MMP28: variants seen among roughly 807,000 people sequenced by gnomAD.
The protein encoded by MMP28 is matrix metallopeptidase 28, also known as matrix metalloproteinase-28.
In MMP28, 55 loss-of-function variants were observed where a neutral mutation model predicts 60.5. The observed-to-expected ratio is 0.91, with a 90% CI of 0.73 to 1.14. MMP28 has a LOEUF of 1.14. Ranked by LOEUF, MMP28 falls within the 50% of genes most tolerant of loss-of-function variation. The probability of loss-of-function intolerance (pLI) is 0.00; values close to 1 mark genes in which losing one functional copy is unlikely to be tolerated. For missense variants in MMP28, 686 were observed against 738.3 expected, an observed-to-expected ratio of 0.93 and a Z score of 0.82; for synonymous variants, 318 against 312.5, an observed-to-expected ratio of 1.02 and a Z score of -0.18.
chr17:35,776,624 C>T (rs886466812), intron 3 of MMP28, among the ~76,000 whole-genome samples: 4 of 152,060 alleles, frequency 2.6e-5, no homozygotes, highest in Admixed American at 6.6e-5. Context: ...CGGTGGCTTG[C>T]GCCTGTAATC....
rs2086543134 is a variant in MMP28, at chr17:35,782,786, A to G, written c.112-3463T>C. 2.0e-5 allele frequency among the ~76,000 whole-genome samples: 3 copies of G among 151,272 alleles called. No homozygotes were observed. The South Asian group carries it at 6.3e-4, about 32-fold the overall frequency. ...GTTTGGGAATGAAAATCTATTCCCA[A>G]CCCTGACTCTGCCAGATGGCTGGGG... is the stretch of plus-strand genomic sequence containing the variant. On this transcript the variant is annotated intron_variant, in intron 1 of 7. Transcript: ENST00000605424.
In MMP28 at chr17:35,795,253, T is replaced by C. The variant is rs1295928529; in HGVS notation, c.111+14A>G. 8.6e-6 allele frequency: 12 copies of C among 1,398,452 alleles called. No homozygotes were observed. The South Asian group carries it at 1.3e-4, about 15-fold the overall frequency. 86.6% of individuals were successfully genotyped at this position (1,398,452 alleles called of 1,614,324 possible). A position where few individuals can be genotyped will look rare whatever the true frequency, so the allele number is the denominator to read the frequency against. ...AGCACACGCACCGCTCTCCGCCAGG[T>C]ACACACGGCGTACCTCCGCCTCCTT... is the stretch of plus-strand genomic sequence containing the variant. On this transcript the variant is annotated intron_variant, in intron 1 of 7. Transcript: ENST00000605424.
exon 3 of MMP28, chr17:35,756,295 C>A (rs2085737077): frequency 1.8e-6 from 1 of 564,724 alleles, no homozygotes; most frequent in Non-Finnish European, 2.2e-6. Flanking sequence ...ACAGATGATC[C>A]AAAGTAGGCA....
chr17:35,773,455 T>C, intron 3 of MMP28, 51 bp from the exon 4 acceptor site: 1 of 1,492,192 alleles, frequency 6.7e-7, no homozygotes, highest in Non-Finnish European at 9.1e-7. Flanking sequence ...AGCCCGAGTC[T>C]GGTCCCCACA....
downstream of MMP28, among the ~76,000 whole-genome samples, chr17:35,762,456 C>T (rs587682148): frequency 3.3e-5 from 5 of 152,272 alleles, no homozygotes; most frequent in East Asian, 9.6e-4. Context: ...CTAGGGGAGG[C>T]CAGCTTAGTT....
intron 2 of MMP28, among the ~76,000 whole-genome samples, chr17:35,760,077 T>C (rs926892542): frequency 2.0e-5 from 3 of 152,136 alleles, no homozygotes. Flanking sequence ...CCACCAAACT[T>C]AGATGCCCAA....
At chr17:35,771,794 G>A (rs2086164659) in intron 4 of MMP28, among the ~76,000 whole-genome samples, 1 of 137,264 alleles carries the variant, frequency 7.3e-6, no homozygotes, top group Non-Finnish European at 1.5e-5. Context: ...GGCACCTCTG[G>A]GGGGCCTCTC....
chr17:35,772,419 G>C lies in MMP28; in HGVS notation c.604+761C>G, dbSNP rs145721704. On this transcript the variant is annotated intron_variant, in intron 4 of 7. Transcript: ENST00000605424. ...TCTTGCAAAGCCTAGATTCCTCCTG[G>C]TCCTAACCCAGGTCTCAGCAGTAGG... Among the ~76,000 whole-genome samples the C allele has an allele frequency of 7.0e-3, 1,061 of 152,292 alleles. 6 individuals are homozygous for C. The highest frequency in any genetic ancestry group is 0.013 in the Admixed American group (202 of 15,302).
intron 2 of MMP28, 64 bp from the exon 3 acceptor site, chr17:35,779,139 C>T (rs973334169): frequency 2.5e-6 from 4 of 1,577,576 alleles, no homozygotes; most frequent in Non-Finnish European, 2.6e-6. Flanking sequence ...GGAAGTCTGC[C>T]TCCCTGGGGT....
chr17:35,788,333 T>A (rs75657795), intron 1 of MMP28, among the ~76,000 whole-genome samples: 28 of 152,274 alleles, frequency 1.8e-4, no homozygotes, highest in Non-Finnish European at 4.0e-4. Flanking sequence ...TGGTTCTCAC[T>A]AGACTTGTGG....
At chr17:35,786,833 T>C (rs780376329) in intron 1 of MMP28, among the ~76,000 whole-genome samples, 23 of 152,124 alleles carry the variant, frequency 1.5e-4, no homozygotes, top group Admixed American at 6.6e-4. Context: ...TCACACCTTC[T>C]TTGAATCTCA....
chr17:35,779,042 G>A lies in MMP28; in HGVS notation c.225C>T (p.Ser75=), dbSNP rs765062835. 3.2e-5 allele frequency: 51 copies of A among 1,613,888 alleles called. No homozygotes were observed. The highest frequency in any genetic ancestry group is 1.5e-4 in the South Asian group (14 of 91,084). The part of the protein sequence containing the change: ...AFQWVSQLPV[S]GVLDRATLRQ... ...GCAGGGTGGCGCGGTCCAACACGCC[G>A]CTGACAGGTAGCTGGGACACCCACT... The change falls in exon 3 of 8, where the codon AGC becomes AGT. Residue 75 remains serine (S), a synonymous_variant. Transcript: ENST00000605424.
downstream of MMP28, chr17:35,764,828 A>C (rs113176378): frequency 5.6e-4 from 289 of 511,676 alleles, no homozygotes; most frequent in Non-Finnish European, 6.8e-4. Flanking sequence ...TGCAGAGCCC[A>C]GCATAACCTA....
At chr17:35,762,933 A>T (rs993869275), downstream of MMP28, among the ~76,000 whole-genome samples, 2 of 151,996 alleles carry the variant, frequency 1.3e-5, no homozygotes, top group African/African-American at 2.4e-5. Context: ...CCATCCTGGC[A>T]AACATGGTGA....
At position 35,766,874 on chromosome 17, in the gene MMP28, G is replaced by A. The variant is rs570288318; in HGVS notation, c.1189C>T (p.Arg397Trp). 2.7e-5 allele frequency: 42 copies of A among 1,578,148 alleles called. No homozygotes were observed. Among genetic ancestry groups the A allele is most frequent in the South Asian group, 1.9e-4 (16 of 85,878 alleles). Reference protein sequence around the residue: ...FFKGGRCWRFRGPKPVWGLPQ... With the variant: ...FFKGGRCWRFWGPKPVWGLPQ... ...AGACCCCACACTGGCTTGGGGCCCC[G>A]GAACCTCCAGCATCGACCCCCTGTG... Residue 397 changes from arginine to tryptophan, a missense_variant, in exon 8 of 8, where the codon CGG becomes TGG. Coordinates refer to ENST00000605424, the MANE Select transcript of MMP28 (RefSeq NM_024302.5). This position sits in a 1 kb window ranked among gnomAD's most constrained non-coding sequence, Gnocchi z 4.3.
intron 2 of MMP28, among the ~76,000 whole-genome samples, chr17:35,758,614 T>C (rs1598401342): frequency 6.6e-6 from 1 of 152,004 alleles, no homozygotes; most frequent in African/African-American, 2.4e-5. Flanking sequence ...ATTGCTTGAA[T>C]CCGGGGGGCA....
chr17:35,773,303 A>C lies in MMP28; in HGVS notation c.481T>G (p.Leu161Val). 1 of 1,613,876 alleles carries C rather than the reference A, an allele frequency of 6.2e-7. No homozygotes were observed. The highest frequency in any genetic ancestry group is 8.5e-7 in the Non-Finnish European group (1 of 1,179,860). The change falls in exon 4 of 8, where the codon TTG (leucine) becomes GTG (valine). Residue 161 changes from leucine to valine, a missense_variant. Coordinates refer to ENST00000605424, the MANE Select transcript of MMP28 (RefSeq NM_024302.5). The part of the protein sequence containing the change: ...VRGAVRAAFQ[L>V]WSNVSALEFW... The stretch of plus-strand genomic sequence containing the variant: ...TCCAGCGCTGAGACGTTGCTCCACA[A>C]CTGGAAGGCGGCGCGCACGGCGCCC...
chr17:35,775,554 A>G (rs2086301389), intron 3 of MMP28, among the ~76,000 whole-genome samples: 1 of 152,260 alleles, frequency 6.6e-6, no homozygotes, highest in African/African-American at 2.4e-5. Flanking sequence ...GACACTGTGG[A>G]AAGAACATGG....
Position 35,778,697 on chromosome 17 carries a change from G to A in MMP28, c.379+191C>T. The A allele has an allele frequency of 4.6e-6, 6 of 1,298,570 alleles. No individual in the cohort carries two copies. In the South Asian group the frequency reaches 7.7e-5, roughly 17 times the overall value. 80.4% of individuals were successfully genotyped at this position (1,298,570 alleles called of 1,614,324 possible). On this transcript the variant is annotated intron_variant, in intron 3 of 7. Transcript: ENST00000605424. Reference sequence around the variant, plus strand: ...ACAATGAAAATTCATCAATGTAGGTGTCATTCTGAATTAAATGTCTGTATT... The same window carrying A: ...ACAATGAAAATTCATCAATGTAGGTATCATTCTGAATTAAATGTCTGTATT...
Sources: allele counts gnomAD v4.1 joint callset (sites outside exome capture counted in the v4.1 genomes callset), GRCh38; gene constraint gnomAD v4.1.1; non-coding constraint Gnocchi (gnomAD v3.1); transcripts MANE v1.5; gene names NCBI Gene and HGNC (gene_info 2026-07-23, HGNC 2026-07-21).